The following NPIPB15 variants were observed in gnomAD, a reference collection of about 807,000 sequenced individuals.
NPIPB15 encodes the protein nuclear pore complex-interacting protein family member B15.
NPIPB15 carries 5 observed loss-of-function variants against 35.9 expected under a neutral mutation model. That is an observed-to-expected ratio of 0.14 (90% CI 0.07 to 0.29). The LOEUF is 0.29. NPIPB15 is among the 10% of genes least tolerant of loss of function. The pLI, the probability that NPIPB15 is intolerant of heterozygous loss-of-function variation, is 1.00. For synonymous variants in NPIPB15, 43 were observed against 182.0 expected (o/e 0.24, Z 6.15); for missense variants, 100 against 506.1 (o/e 0.20, Z 7.70).
intron 5 of NPIPB15, chr16:74,388,449 A>G (rs1382519484): frequency 1.1e-6 from 1 of 948,096 alleles, no homozygotes; most frequent in African/African-American, 1.9e-5. Flanking sequence ...CTTTATATTT[A>G]CTAAAGAATA....
At chr16:74,378,212 C>G (rs1202119735) in intron 2 of NPIPB15, among the ~76,000 whole-genome samples, 173 bp downstream of exon 2, 1 of 151,414 alleles carries the variant, frequency 6.6e-6, no homozygotes, top group Admixed American at 6.6e-5. Context: ...AACCCCATCT[C>G]TACAAAAAAT....
Position 74,390,025 on chromosome 16 carries a change from A to C in NPIPB15, c.637A>C (p.Asn213His), listed in dbSNP as rs1349183890. ...CCCTTCTGCAAGAAAGCCTCTTTGC[A>C]ACTGGGTAAGTTTGCTTGTTTTCCT... ...IPPSARKPLCNWVRMAAAEHR... is the reference protein window; with the variant it reads ...IPPSARKPLCHWVRMAAAEHR... The change falls in exon 7 of 8, where the codon AAC becomes CAC. Residue 213 changes from asparagine (N) to histidine (H), a missense_variant. Physicochemically the swap from Asn to His is moderately conservative, Grantham distance 68 (BLOSUM62 1). Transcript: ENST00000692376. 1 of 1,597,178 alleles carries C rather than the reference A, an allele frequency of 6.3e-7. No individual in the cohort carries two copies. The highest frequency in any genetic ancestry group is 8.5e-7 in the Non-Finnish European group (1 of 1,179,786).
At chr16:74,385,068 A>G (rs1300502802) in intron 3 of NPIPB15, among the ~76,000 whole-genome samples, 31 of 143,554 alleles carry the variant, frequency 2.2e-4, no homozygotes, top group South Asian at 4.7e-4. Context: ...AGGCTGGAGT[A>G]CAGTGGTGTG....
intron 2 of NPIPB15, among the ~76,000 whole-genome samples, chr16:74,378,865 A>G (rs1475156928): frequency 1.3e-5 from 2 of 151,798 alleles, no homozygotes; most frequent in African/African-American, 4.8e-5. Flanking sequence ...CAATGGGGCA[A>G]TATCAGCTCA....
At chr16:74,383,017 G>A (rs2012077580) in intron 3 of NPIPB15, among the ~76,000 whole-genome samples, 1 of 139,520 alleles carries the variant, frequency 7.2e-6, no homozygotes, top group South Asian at 2.5e-4. Flanking sequence ...CCACCTCCTG[G>A]CTTCAAGCGA....
chr16:74,391,659 TC>T lies in NPIPB15; in HGVS notation c.914del (p.Pro305LeufsTer15). The T allele has an allele frequency of 6.3e-7, 1 of 1,575,596 alleles. No homozygotes were observed. The highest frequency in any genetic ancestry group is 8.6e-7 in the Non-Finnish European group (1 of 1,163,762). On this transcript the variant is annotated frameshift_variant, in exon 8 of 8. Transcript: ENST00000692376. LOFTEE classifies it high-confidence loss of function. The part of the protein sequence containing the change: ...VDDNLKEYLL[V>X]PLPPSPLPPS... Reference sequence around the variant, plus strand: ...GATAATCTGAAGGAGTATCTCCTGGTCCCTCTTCCACCCTCTCCTCTTCCAC... The same window carrying T: ...GATAATCTGAAGGAGTATCTCCTGGTCCTCTTCCACCCTCTCCTCTTCCAC...
intron 2 of NPIPB15, among the ~76,000 whole-genome samples, chr16:74,378,520 G>C (rs2011802186): frequency 6.9e-6 from 1 of 145,926 alleles, no homozygotes; most frequent in African/African-American, 2.5e-5. Context: ...TCCGCTTCCG[G>C]GGTTCAAGCA....
At chr16:74,384,926 C>T (rs1434284746) in intron 3 of NPIPB15, among the ~76,000 whole-genome samples, 1 of 151,168 alleles carries the variant, frequency 6.6e-6, no homozygotes, top group Non-Finnish European at 1.5e-5. Flanking sequence ...GGTGATCCAC[C>T]TGCCTCGGCC....
At chr16:74,384,991 T>TTG (rs199888896) in intron 3 of NPIPB15, among the ~76,000 whole-genome samples, 4,687 of 92,664 alleles carry the variant, frequency 0.051, 65 homozygotes, top group Middle Eastern at 0.071. Flanking sequence ...CATGTCATTC[T>TTG]TGTGTGTGTG....
chr16:74,381,406 G>A, intron 2 of NPIPB15, 110 bp from the exon 3 acceptor site: 2 of 1,201,372 alleles, frequency 1.7e-6, no homozygotes, highest in Admixed American at 4.7e-5. Context: ...ATATCTGAGG[G>A]ATGTGGTTAC....
chr16:74,381,220 C>G lies in NPIPB15; in HGVS notation c.67-296C>G, dbSNP rs1597153411. 34 of 550,200 alleles carry G rather than the reference C, an allele frequency of 6.2e-5. 1 individual carries two copies. The East Asian group carries it at 1.1e-3, about 18-fold the overall frequency. 34.1% of individuals were successfully genotyped at this position (550,200 alleles called of 1,614,324 possible). A position where few individuals can be genotyped will look rare whatever the true frequency, so the allele number is the denominator to read the frequency against. The stretch of plus-strand genomic sequence containing the variant: ...GTGTTAGTGTATGTTATGTGTGGCT[C>G]AAGACAACTTTGCTTCTTTTAATAT... On this transcript the variant is annotated intron_variant, in intron 2 of 7. Transcript: ENST00000692376.
At position 74,376,572 on chromosome 16, in the gene NPIPB15, G is replaced by C. The variant is rs1449325752; in HGVS notation, c.-797G>C. 1.3e-5 allele frequency among the ~76,000 whole-genome samples: 2 copies of C among 151,344 alleles called. No homozygotes were observed. Among genetic ancestry groups the C allele is most frequent in the African/African-American group, 2.4e-5 (1 of 41,210 alleles). The stretch of plus-strand genomic sequence containing the variant: ...ACAGATTCCTTGGACGTCCCTGAGA[G>C]GTCAATGATGAAGGTCAACTTGGTT... On this transcript the variant is annotated 5_prime_UTR_variant, in exon 1 of 8. Transcript: ENST00000692376.
At chr16:74,384,208 G>A (rs1660901342) in intron 3 of NPIPB15, among the ~76,000 whole-genome samples, 2 of 98,522 alleles carry the variant, frequency 2.0e-5, no homozygotes, top group Non-Finnish European at 3.9e-5. Context: ...GGAAGGAGCA[G>A]GGGGTGAAAT....
At chr16:74,379,026 C>G (rs1261396879) in intron 2 of NPIPB15, among the ~76,000 whole-genome samples, 8 of 152,098 alleles carry the variant, frequency 5.3e-5, no homozygotes, top group African/African-American at 1.4e-4. Context: ...TTTTGAACTC[C>G]CGACCTCAGG....
In NPIPB15 at chr16:74,382,396, A is replaced by G. The variant is rs2012037126; in HGVS notation, c.249+698A>G. Among the ~76,000 whole-genome samples, 3 of 149,890 alleles carry G rather than the reference A, an allele frequency of 2.0e-5. No individual in the cohort carries two copies. The South Asian group carries it at 6.6e-4, about 33-fold the overall frequency. The stretch of plus-strand genomic sequence containing the variant: ...TGCACTGCGTCTCATGATGCAGAGA[A>G]AGCCCCAGAGAATCTCTTAGAACTG... On this transcript the variant is annotated intron_variant, in intron 3 of 7. Transcript: ENST00000692376.
intron 2 of NPIPB15, among the ~76,000 whole-genome samples, chr16:74,378,458 A>C (rs1597150703): frequency 9.1e-6 from 1 of 110,154 alleles, no homozygotes; most frequent in African/African-American, 3.8e-5. Flanking sequence ...ACAGAGTCTC[A>C]CTCTGTCGCC....
intron 3 of NPIPB15, among the ~76,000 whole-genome samples, chr16:74,384,990 CTT>C (rs990039323): frequency 2.3e-5 from 2 of 86,750 alleles, no homozygotes; most frequent in African/African-American, 4.7e-5. Context: ...TCATGTCATT[CTT>C]GTGTGTGTGT....
chr16:74,384,863 C>T (rs2012181529), intron 3 of NPIPB15, among the ~76,000 whole-genome samples: 1 of 151,140 alleles, frequency 6.6e-6, no homozygotes, highest in Non-Finnish European at 1.5e-5. Context: ...GTATTTTTAG[C>T]AGAGACAGCA....
At chr16:74,386,907 CCA>C (rs1567415574) in intron 5 of NPIPB15, among the ~76,000 whole-genome samples, 1 of 147,926 alleles carries the variant, frequency 6.8e-6, no homozygotes, top group Non-Finnish European at 1.5e-5. Flanking sequence ...TGGGTCACCT[CCA>C]GATTCATTTT....
Sources: gnomAD v4.1 joint callset for allele counts (sites outside exome capture counted in the v4.1 genomes callset) on GRCh38, gnomAD v4.1.1 for gene constraint, MANE v1.5 for transcripts, NCBI Gene and HGNC (gene_info 2026-07-23, HGNC 2026-07-21) for gene names.